Variants in GALNTL6 observed in about 807,000 individuals in gnomAD.
GALNTL6 encodes polypeptide N-acetylgalactosaminyltransferase-like 6.
A neutral mutation model predicts 73.7 loss-of-function variants in GALNTL6; 46 were observed. That is an observed-to-expected ratio of 0.62 (90% CI 0.49 to 0.80). The LOEUF is 0.80. Among genes scored for constraint, GALNTL6 ranks in the 30% least tolerant of loss-of-function variants. GALNTL6 has a pLI of 0.00. For synonymous variants in GALNTL6, 259 were observed against 263.7 expected, an observed-to-expected ratio of 0.98 and a Z score of 0.17; for missense variants, 604 against 755.0, an observed-to-expected ratio of 0.80 and a Z score of 2.34.
chr4:171,994,602 C>CA (rs1372728577), intron 2 of GALNTL6, among the ~76,000 whole-genome samples: 1 of 151,958 alleles, frequency 6.6e-6, no homozygotes, highest in African/African-American at 2.4e-5. Flanking sequence ...ACTAAAATCT[C>CA]AGAAATCACC....
intron 2 of GALNTL6, among the ~76,000 whole-genome samples, chr4:172,193,963 G>A (rs1579238103): frequency 6.6e-6 from 1 of 152,272 alleles, no homozygotes; most frequent in South Asian, 2.1e-4. Flanking sequence ...TCCACCAAGG[G>A]CACAAAACTG....
chr4:172,211,649 G>T (rs187659633), intron 2 of GALNTL6, among the ~76,000 whole-genome samples: 12 of 152,224 alleles, frequency 7.9e-5, no homozygotes, highest in Admixed American at 6.5e-4. Context: ...TATCCATGTG[G>T]GCTGTTACAA....
chr4:171,932,609 C>T (rs541896184), intron 2 of GALNTL6, among the ~76,000 whole-genome samples: 1 of 152,260 alleles, frequency 6.6e-6, no homozygotes, highest in South Asian at 2.1e-4. Context: ...AGAGAAAGTC[C>T]TTCCAGAGTT....
At chr4:172,181,214 C>T (rs1735230855) in intron 2 of GALNTL6, among the ~76,000 whole-genome samples, 1 of 152,092 alleles carries the variant, frequency 6.6e-6, no homozygotes, top group Admixed American at 6.6e-5. Flanking sequence ...ATGCAAACAT[C>T]CTCAATAAAA....
chr4:172,098,887 A>T (rs957683072), intron 2 of GALNTL6, among the ~76,000 whole-genome samples: 4 of 152,112 alleles, frequency 2.6e-5, no homozygotes, highest in Non-Finnish European at 4.4e-5. Context: ...CAAACAAATT[A>T]TCGGACCCTA....
At chr4:172,431,970 G>A (rs1290426575) in intron 5 of GALNTL6, among the ~76,000 whole-genome samples, 1 of 151,990 alleles carries the variant, frequency 6.6e-6, no homozygotes, top group Non-Finnish European at 1.5e-5. Flanking sequence ...TTATCCAATA[G>A]CAGCATTCCT....
In GALNTL6 at chr4:172,677,978, T is replaced by A. The variant is rs182133091; in HGVS notation, c.554-131383T>A. Among the ~76,000 whole-genome samples the A allele has an allele frequency of 1.9e-3, 282 of 152,328 alleles. 2 individuals are homozygous for A. The highest frequency in any genetic ancestry group is 6.5e-3 in the African/African-American group (272 of 41,576). ...TCAAATTGCATTTAAGGAGCTTCTATACAAAAGCGTTGGTGGAAAAGAGTC... is the reference window on the plus strand; with the variant it reads ...TCAAATTGCATTTAAGGAGCTTCTAAACAAAAGCGTTGGTGGAAAAGAGTC... On this transcript the variant is annotated intron_variant, in intron 5 of 12. Transcript: ENST00000506823.
intron 5 of GALNTL6, among the ~76,000 whole-genome samples, chr4:172,631,550 TC>T (rs1162135236): frequency 6.6e-6 from 1 of 152,248 alleles, no homozygotes; most frequent in Non-Finnish European, 1.5e-5. Context: ...TTAACTACTT[TC>T]TTTTCTTCAC....
chr4:172,553,788 G>C (rs1197700292), intron 5 of GALNTL6, among the ~76,000 whole-genome samples: 1 of 152,072 alleles, frequency 6.6e-6, no homozygotes, highest in Non-Finnish European at 1.5e-5. Context: ...CGGCCACAGG[G>C]ATTCATGCCT....
intron 2 of GALNTL6, among the ~76,000 whole-genome samples, chr4:172,177,151 T>C (rs1043111622): frequency 6.6e-6 from 1 of 152,296 alleles, no homozygotes; most frequent in East Asian, 1.9e-4. Flanking sequence ...TTAGTAAAAA[T>C]GAAAATCACA....
rs1490897910 is a variant in GALNTL6, at chr4:172,788,796, G to T, written c.554-20565G>T. On this transcript the variant is annotated intron_variant, in intron 5 of 12. Coordinates refer to ENST00000506823, the MANE Select transcript of GALNTL6 (RefSeq NM_001034845.3). ...GTTACAGAGAAGCCAACAAGAGGTG[G>T]TGTTCAGGGCACAGATAGGCTGGTC... is the stretch of plus-strand genomic sequence containing the variant. Among the ~76,000 whole-genome samples the T allele has an allele frequency of 2.0e-5, 3 of 152,098 alleles. No homozygotes were observed. In the South Asian group the frequency reaches 6.2e-4, roughly 32 times the overall value.
At chr4:172,436,226 C>G (rs766165469) in intron 5 of GALNTL6, among the ~76,000 whole-genome samples, 1 of 152,254 alleles carries the variant, frequency 6.6e-6, no homozygotes, top group Non-Finnish European at 1.5e-5. Flanking sequence ...CCTCTTACCA[C>G]TGCAAATACT....
At chr4:172,527,470 A>G (rs1480937691) in intron 5 of GALNTL6, among the ~76,000 whole-genome samples, 2 of 152,356 alleles carry the variant, frequency 1.3e-5, no homozygotes, top group African/African-American at 2.4e-5. Context: ...AGAAGACTGT[A>G]GATGCTTACT....
chr4:172,698,418 C>CACTCAGT (rs1344181406), intron 5 of GALNTL6, among the ~76,000 whole-genome samples: 64 of 152,148 alleles, frequency 4.2e-4, no homozygotes, highest in Admixed American at 7.2e-4. Context: ...CAGCTTCCTT[C>CACTCAGT]CGCTGAGATC....
At chr4:172,242,414 C>G (rs1341559457) in intron 3 of GALNTL6, among the ~76,000 whole-genome samples, 1 of 151,984 alleles carries the variant, frequency 6.6e-6, no homozygotes, top group Non-Finnish European at 1.5e-5. Context: ...TAGTTTTGAA[C>G]TTTAAAATTT....
intron 5 of GALNTL6, among the ~76,000 whole-genome samples, chr4:172,757,929 T>C (rs1332594225): frequency 6.6e-6 from 1 of 152,242 alleles, no homozygotes; most frequent in Non-Finnish European, 1.5e-5. Context: ...GCTAAATTAA[T>C]AATTGTAAGC....
intron 2 of GALNTL6, among the ~76,000 whole-genome samples, chr4:172,073,917 G>C (rs2110907477): frequency 6.6e-6 from 1 of 152,296 alleles, no homozygotes; most frequent in Non-Finnish European, 1.5e-5. Flanking sequence ...AGGCAGCTTT[G>C]ATGTAATTGT....
In GALNTL6 at chr4:172,228,360, A is replaced by G. The variant is rs900788779; in HGVS notation, c.139-1296A>G. ...AGCTCACCAATATTATGAGCAACAA[A>G]TTCTTTGAAATGTGTAGATTATAGT... On this transcript the variant is annotated intron_variant, in intron 2 of 12. Transcript: ENST00000506823. Among the ~76,000 whole-genome samples the G allele has an allele frequency of 5.3e-5, 8 of 152,090 alleles. 1 individual carries two copies. Among genetic ancestry groups the G allele is most frequent in the African/African-American group, 1.9e-4 (8 of 41,424 alleles).
At chr4:172,168,192 A>G (rs184942501) in intron 2 of GALNTL6, among the ~76,000 whole-genome samples, 1 of 152,320 alleles carries the variant, frequency 6.6e-6, no homozygotes, top group Admixed American at 6.5e-5. Flanking sequence ...ATCCACGAAA[A>G]GTTTCCAGGT....
Sources: gnomAD v4.1 joint callset for allele counts (sites outside exome capture counted in the v4.1 genomes callset) on GRCh38, gnomAD v4.1.1 for gene constraint, MANE v1.5 for transcripts, NCBI Gene and HGNC (gene_info 2026-07-23, HGNC 2026-07-21) for gene names.